USP4: variants seen among roughly 807,000 people sequenced by gnomAD.
USP4 encodes the protein ubiquitin carboxyl-terminal hydrolase 4.
A neutral mutation model predicts 118.2 loss-of-function variants in USP4; 72 were observed. That is an observed-to-expected ratio of 0.61 (90% CI 0.50 to 0.74). The LOEUF is 0.74. USP4 is among the 30% of genes least tolerant of loss of function. The probability of loss-of-function intolerance (pLI) is 0.00; values close to 1 mark genes in which losing one functional copy is unlikely to be tolerated. For synonymous variants in USP4, 415 were observed against 440.4 expected, an observed-to-expected ratio of 0.94 and a Z score of 0.72; for missense variants, 1,037 against 1,185.7, an observed-to-expected ratio of 0.87 and a Z score of 1.84.
At chr3:49,323,688 C>T (rs1020342554) in intron 6 of USP4, among the ~76,000 whole-genome samples, 1 of 152,124 alleles carries the variant, frequency 6.6e-6, no homozygotes, top group African/African-American at 2.4e-5. Context: ...CTCAAATGAC[C>T]TAGGAGCCCA....
At chr3:49,290,600 C>T (rs1396453539) in intron 15 of USP4, among the ~76,000 whole-genome samples, 2 of 151,792 alleles carry the variant, frequency 1.3e-5, no homozygotes, top group Non-Finnish European at 2.9e-5. Flanking sequence ...CTGCAACCTC[C>T]GCTTCCTGGG....
At chr3:49,320,088 T>A (rs772671125) in intron 6 of USP4, among the ~76,000 whole-genome samples, 288 of 152,124 alleles carry the variant, frequency 1.9e-3, no homozygotes, top group Non-Finnish European at 3.0e-3. Flanking sequence ...AGCTAATTTT[T>A]AAAAAAAATT....
At position 49,277,534 on chromosome 3, in the gene USP4, ACTAGACGGGACACAGCAC is replaced by A. The variant is rs2046976490; in HGVS notation, c.*741_*758del. On this transcript the variant is annotated 3_prime_UTR_variant, in exon 22 of 22. Coordinates refer to ENST00000265560, the MANE Select transcript of USP4 (RefSeq NM_003363.4). ...CTGTTCTCAAGCCAACATGGAAACA[ACTAGACGGGACACAGCAC>A]CGGGCAGTTTTATGTACTGACTTCC... The A allele has an allele frequency of 4.7e-6, 1 of 211,262 alleles. No individual in the cohort carries two copies. Among genetic ancestry groups the A allele is most frequent in the African/African-American group, 2.4e-5 (1 of 42,410 alleles). The allele number at this position is 211,262 out of a possible 1,614,324, so 13.1% of individuals were successfully genotyped here.
intron 6 of USP4, among the ~76,000 whole-genome samples, chr3:49,314,363 G>T (rs1385543610): frequency 6.6e-6 from 1 of 152,144 alleles, no homozygotes; most frequent in African/African-American, 2.4e-5. Context: ...ATCCTAAAGA[G>T]GATTTGGTTC....
At chr3:49,297,023 G>GACT (rs2047217283) in intron 13 of USP4, among the ~76,000 whole-genome samples, 1 of 152,194 alleles carries the variant, frequency 6.6e-6, no homozygotes, top group African/African-American at 2.4e-5. Flanking sequence ...GAGAGATCTA[G>GACT]AAGTCATAGG....
chr3:49,286,042 T>A, intron 16 of USP4, 56 bp downstream of exon 16: 2 of 1,550,060 alleles, frequency 1.3e-6, no homozygotes, highest in Non-Finnish European at 1.8e-6. Context: ...GTAAGGATTT[T>A]CAAACAGATC....
intron 6 of USP4, among the ~76,000 whole-genome samples, chr3:49,319,375 A>G (rs890211503): frequency 2.6e-5 from 4 of 151,474 alleles, no homozygotes; most frequent in African/African-American, 9.7e-5. Context: ...CAGCCTCCCG[A>G]GTAGCTGGGA....
chr3:49,307,421 A>C (rs951176259), intron 8 of USP4, among the ~76,000 whole-genome samples: 1 of 152,060 alleles, frequency 6.6e-6, no homozygotes, highest in Non-Finnish European at 1.5e-5. Context: ...GTCTCAAAAA[A>C]AAAAAAAAAG....
At chr3:49,336,223 G>A (rs1291243964) in intron 1 of USP4, among the ~76,000 whole-genome samples, 1 of 139,820 alleles carries the variant, frequency 7.2e-6, no homozygotes, top group East Asian at 2.2e-4. Flanking sequence ...CCAAGCTGGA[G>A]TGCAGTGGTA....
chr3:49,312,474 CAAA>C, intron 6 of USP4: 2 of 386,000 alleles, frequency 5.2e-6, no homozygotes, highest in South Asian at 1.8e-5. Flanking sequence ...GACTCCATCT[CAAA>C]AAAAAAAAAA....
At chr3:49,323,988 A>G (rs2047526305) in intron 6 of USP4, among the ~76,000 whole-genome samples, 1 of 151,930 alleles carries the variant, frequency 6.6e-6, no homozygotes, top group African/African-American at 2.4e-5. Flanking sequence ...GAATCAAGCT[A>G]TCACTTTTTT....
At chr3:49,311,824 C>A in intron 6 of USP4, 170 bp from the exon 7 acceptor site, 1 of 1,322,842 alleles carries the variant, frequency 7.6e-7, no homozygotes, top group Non-Finnish European at 9.7e-7. Flanking sequence ...AAGTGAGAGT[C>A]CACAAATTAA....
intron 18 of USP4, 110 bp from the exon 19 acceptor site, chr3:49,284,246 C>G: frequency 2.1e-6 from 3 of 1,419,138 alleles, no homozygotes; most frequent in Non-Finnish European, 1.9e-6. Context: ...TCCTCTCGGT[C>G]AGCACTCAAC....
intron 6 of USP4, chr3:49,317,524 T>G (rs1575615476): frequency 1.6e-6 from 1 of 616,844 alleles, no homozygotes; most frequent in African/African-American, 1.9e-5. Context: ...TTTGTTTTGT[T>G]TTGTTTTTTG....
chr3:49,312,188 G>A (rs140845855), intron 6 of USP4: 309 of 227,388 alleles, frequency 1.4e-3, no homozygotes, highest in Admixed American at 3.6e-3. Context: ...GCTGGGTGAG[G>A]TGGCTCACCC....
At position 49,284,041 on chromosome 3, in the gene USP4, G is replaced by A; in HGVS notation, c.2486C>T (p.Ser829Phe). The stretch of plus-strand genomic sequence containing the variant: ...CTTATCCCTCCAGTATCTGTTGTAG[G>A]AGAAACGTTTGAGGTGGACCACCAG... ...KILVVHLKRF[S>F]YNRYWRDKLD... Residue 829 changes from serine to phenylalanine, a missense_variant, in exon 19 of 22, where the codon TCC becomes TTC. Around this residue, in one of 3 missense-constraint regions of USP4, gnomAD observed 522 missense variants for 592.6 expected, o/e 0.88. Transcript: ENST00000265560. The A allele has an allele frequency of 1.2e-6, 2 of 1,614,150 alleles. No homozygotes were observed. The highest frequency in any genetic ancestry group is 2.2e-5 in the East Asian group (1 of 44,904).
chr3:49,317,479 C>T (rs74347098), intron 6 of USP4: 44 of 636,990 alleles, frequency 6.9e-5, no homozygotes, highest in East Asian at 1.5e-4. Flanking sequence ...CTGGGGCCCC[C>T]TATTTTTTTT....
Position 49,300,451 on chromosome 3 carries a change from G to C in USP4, c.1512+16C>G. On this transcript the variant is annotated intron_variant, in intron 11 of 21. Coordinates refer to ENST00000265560, the MANE Select transcript of USP4 (RefSeq NM_003363.4). ...ACTTGCAGTGAGGGGTGCCATAAGG[G>C]TGTGGATTCTGTCACCTGAGTAGGT... is the stretch of plus-strand genomic sequence containing the variant. 1 of 1,607,478 alleles carries C rather than the reference G, an allele frequency of 6.2e-7. No individual in the cohort carries two copies. The highest frequency in any genetic ancestry group is 8.5e-7 in the Non-Finnish European group (1 of 1,174,026).
At chr3:49,334,751 AG>A (rs1324421586) in intron 2 of USP4, among the ~76,000 whole-genome samples, 4 of 152,222 alleles carry the variant, frequency 2.6e-5, no homozygotes, top group Middle Eastern at 3.4e-3. Flanking sequence ...TCCTGACCTC[AG>A]GTGATCCACC....
Sources: allele counts gnomAD v4.1 joint callset (sites outside exome capture counted in the v4.1 genomes callset), GRCh38; gene constraint gnomAD v4.1.1; regional missense constraint gnomAD v4.1.1; transcripts MANE v1.5; gene names NCBI Gene and HGNC (gene_info 2026-07-23, HGNC 2026-07-21).